The following GALNTL6 variants were observed in gnomAD, a reference collection of about 807,000 sequenced individuals.
The protein encoded by GALNTL6 is polypeptide N-acetylgalactosaminyltransferase-like 6.
Under a neutral mutation model 73.7 loss-of-function variants are expected in GALNTL6, and 46 were observed. That is an observed-to-expected ratio of 0.62 (90% CI 0.49 to 0.80). The LOEUF (loss-of-function observed/expected upper bound fraction) is 0.80. Ranked by LOEUF, GALNTL6 falls within the 30% of genes least tolerant of loss-of-function variation. GALNTL6 has a pLI of 0.00. For missense variants in GALNTL6, 604 were observed against 755.0 expected (o/e 0.80, Z 2.34); for synonymous variants, 259 against 263.7 (o/e 0.98, Z 0.17).
chr4:172,747,603 T>C (rs1410118694), intron 5 of GALNTL6, among the ~76,000 whole-genome samples: 1 of 151,986 alleles, frequency 6.6e-6, no homozygotes, highest in Non-Finnish European at 1.5e-5. Context: ...AAAAACATTA[T>C]GGAAGTTCCT....
At chr4:171,996,371 T>C (rs1740483693) in intron 2 of GALNTL6, among the ~76,000 whole-genome samples, 1 of 152,126 alleles carries the variant, frequency 6.6e-6, no homozygotes, top group African/African-American at 2.4e-5. Context: ...ATTGATGTGA[T>C]ATTTCATGGA....
intron 5 of GALNTL6, among the ~76,000 whole-genome samples, chr4:172,394,518 G>A (rs1028558975): frequency 2.1e-5 from 3 of 143,078 alleles, no homozygotes; most frequent in Non-Finnish European, 4.5e-5. Flanking sequence ...TGCAACCTCC[G>A]CCTGCCAGGT....
chr4:172,930,809 C>T (rs191175364), intron 8 of GALNTL6, among the ~76,000 whole-genome samples: 21 of 152,200 alleles, frequency 1.4e-4, no homozygotes, highest in African/African-American at 4.6e-4. Context: ...GGACTGAAGG[C>T]GCACACCACC....
intron 2 of GALNTL6, among the ~76,000 whole-genome samples, chr4:171,889,412 T>C (rs1736696711): frequency 6.6e-6 from 1 of 152,094 alleles, no homozygotes. Context: ...CAGAAAATTG[T>C]GTGCTTATGT....
At chr4:172,734,802 G>C (rs889629422) in intron 5 of GALNTL6, among the ~76,000 whole-genome samples, 5 of 152,138 alleles carry the variant, frequency 3.3e-5, no homozygotes, top group Non-Finnish European at 5.9e-5. Flanking sequence ...CCAGGACTTG[G>C]TGCCCTGCAT....
At chr4:172,855,702 A>G (rs1744088191) in intron 7 of GALNTL6, among the ~76,000 whole-genome samples, 1 of 152,298 alleles carries the variant, frequency 6.6e-6, no homozygotes, top group Non-Finnish European at 1.5e-5. Context: ...ATCACTGGCC[A>G]CATTAATACA....
chr4:172,087,734 CAT>C (rs1732090125), intron 2 of GALNTL6, among the ~76,000 whole-genome samples: 1 of 146,994 alleles, frequency 6.8e-6, no homozygotes, highest in Admixed American at 6.8e-5. Context: ...CCCCTCAAAA[CAT>C]AAACAGTGAT....
intron 2 of GALNTL6, among the ~76,000 whole-genome samples, chr4:171,902,805 T>A (rs1046788897): frequency 1.3e-5 from 2 of 152,174 alleles, no homozygotes; most frequent in Admixed American, 6.5e-5. Context: ...AATTGGTTTA[T>A]CTTGGAGGGA....
chr4:172,417,356 C>T (rs1244222213), intron 5 of GALNTL6, among the ~76,000 whole-genome samples: 1 of 152,124 alleles, frequency 6.6e-6, no homozygotes, highest in African/African-American at 2.4e-5. Flanking sequence ...CAGTTTGTTG[C>T]TAGACCCTGG....
chr4:172,086,857 A>T (rs1732047591), intron 2 of GALNTL6, among the ~76,000 whole-genome samples: 1 of 152,132 alleles, frequency 6.6e-6, no homozygotes, highest in Non-Finnish European at 1.5e-5. Context: ...TTGACAGATT[A>T]TGGGTATTTA....
intron 2 of GALNTL6, among the ~76,000 whole-genome samples, chr4:171,849,373 C>G (rs527473373): frequency 1.3e-5 from 2 of 152,156 alleles, no homozygotes; most frequent in Non-Finnish European, 2.9e-5. Context: ...TGAGATCACT[C>G]CCTTAATAAT....
intron 5 of GALNTL6, among the ~76,000 whole-genome samples, chr4:172,586,608 A>G (rs1737420082): frequency 6.6e-6 from 1 of 152,220 alleles, no homozygotes; most frequent in African/African-American, 2.4e-5. Context: ...ATCTGGATGC[A>G]GGGAATGGTG....
At chr4:172,674,497 T>G (rs1732166865) in intron 5 of GALNTL6, among the ~76,000 whole-genome samples, 1 of 152,196 alleles carries the variant, frequency 6.6e-6, no homozygotes, top group Non-Finnish European at 1.5e-5. Flanking sequence ...TTCTTGAATT[T>G]GAATATTGGC....
At chr4:171,869,242 A>C (rs1031359461) in intron 2 of GALNTL6, among the ~76,000 whole-genome samples, 1 of 152,194 alleles carries the variant, frequency 6.6e-6, no homozygotes, top group Non-Finnish European at 1.5e-5. Context: ...TATAGAAAGA[A>C]AGAGAAAAGG....
intron 3 of GALNTL6, among the ~76,000 whole-genome samples, chr4:172,234,537 T>C (rs1737175280): frequency 6.6e-6 from 1 of 152,156 alleles, no homozygotes; most frequent in African/African-American, 2.4e-5. Context: ...GGAGTGCTGA[T>C]TTTATTAAAA....
chr4:173,021,808 C>T (rs1395959684), intron 12 of GALNTL6, among the ~76,000 whole-genome samples, 183 bp downstream of exon 12: 1 of 151,950 alleles, frequency 6.6e-6, no homozygotes, highest in Admixed American at 6.6e-5. Context: ...GCCTGACCAA[C>T]ATAGCGAAAC....
chr4:172,648,106 A>G (rs1740318543), intron 5 of GALNTL6, among the ~76,000 whole-genome samples: 2 of 152,036 alleles, frequency 1.3e-5, no homozygotes, highest in Admixed American at 1.3e-4. Context: ...ATTGGGTGGG[A>G]CTAGGGATTG....
At chr4:172,609,325 C>T (rs1332617903) in intron 5 of GALNTL6, among the ~76,000 whole-genome samples, 1 of 152,044 alleles carries the variant, frequency 6.6e-6, no homozygotes, top group Non-Finnish European at 1.5e-5. Context: ...TTCTTCAATG[C>T]CTACTTTGTT....
intron 5 of GALNTL6, among the ~76,000 whole-genome samples, chr4:172,452,413 C>G (rs748725383): frequency 4.6e-5 from 7 of 152,006 alleles, no homozygotes; most frequent in Non-Finnish European, 1.0e-4. Flanking sequence ...CCCTAACAAG[C>G]TATGTTTCCA....
Sources: gnomAD v4.1 joint callset for allele counts (sites outside exome capture counted in the v4.1 genomes callset) on GRCh38, gnomAD v4.1.1 for gene constraint, MANE v1.5 for transcripts, NCBI Gene and HGNC (gene_info 2026-07-23, HGNC 2026-07-21) for gene names.